VAV2: variants seen among roughly 807,000 people sequenced by gnomAD.
The protein encoded by VAV2 is guanine nucleotide exchange factor VAV2.
VAV2 carries 67 observed loss-of-function variants against 132.5 expected under a neutral mutation model. The ratio of observed to expected loss-of-function variants is 0.51; its 90% CI spans 0.42 to 0.62. VAV2 has a LOEUF of 0.62. Ranked by LOEUF, VAV2 falls within the 20% of genes least tolerant of loss-of-function variation. The pLI is 0.00. For synonymous variants in VAV2, 492 were observed against 443.5 expected (o/e 1.11, Z -1.37); for missense variants, 938 against 1,153.6 (o/e 0.81, Z 2.71).
At chr9:133,807,516 G>A (rs1475804056) in intron 7 of VAV2, among the ~76,000 whole-genome samples, 190 bp from the exon 8 acceptor site, 2 of 152,220 alleles carry the variant, frequency 1.3e-5, no homozygotes, top group East Asian at 1.9e-4. Context: ...AGGAAGGTGC[G>A]GGGGTAAAGA....
chr9:133,956,849 C>CAG (rs1841798100), intron 1 of VAV2, among the ~76,000 whole-genome samples: 1 of 152,228 alleles, frequency 6.6e-6, no homozygotes, highest in African/African-American at 2.4e-5. Context: ...GGGCCTGGGA[C>CAG]AGAGCCCTCT....
chr9:133,971,199 G>A (rs935752841), intron 1 of VAV2, among the ~76,000 whole-genome samples: 1 of 152,178 alleles, frequency 6.6e-6, no homozygotes, highest in African/African-American at 2.4e-5. Context: ...CTTGCAGATG[G>A]AACAGTCGTA....
intron 2 of VAV2, among the ~76,000 whole-genome samples, chr9:133,875,795 C>T (rs1426565107): frequency 1.3e-5 from 2 of 152,144 alleles, no homozygotes; most frequent in Admixed American, 1.3e-4. Flanking sequence ...CCTGCCTGGG[C>T]TAAGGGGTAC....
chr9:133,827,442 T>C (rs694032), intron 4 of VAV2, among the ~76,000 whole-genome samples: 622 of 2,006 alleles, frequency 0.31, 42 homozygotes, highest in Non-Finnish European at 0.32. Context: ...GACCACTGAG[T>C]GGGGGCATCA....
In VAV2 at chr9:133,768,690, T is replaced by A; in HGVS notation, c.2435-94A>T. ...GGGCCAAGCTGGGTCTCTCCCCTGG[T>A]GCCCAGAACCCTGCTCTGTACCCAG... On this transcript the variant is annotated intron_variant, in intron 28 of 29. Coordinates refer to ENST00000371850, the MANE Select transcript of VAV2 (RefSeq NM_001134398.2). The surrounding 1 kb of genome is among the most constrained non-coding windows in gnomAD (Gnocchi z 5.3). 1 of 1,463,386 alleles carries A rather than the reference T, an allele frequency of 6.8e-7. No homozygotes were observed. The highest frequency in any genetic ancestry group is 2.4e-5 in the East Asian group (1 of 40,834). The allele number at this position is 1,463,386 out of a possible 1,614,324, so 90.7% of individuals were successfully genotyped here. A position where few individuals can be genotyped will look rare whatever the true frequency, so the allele number is the denominator to read the frequency against.
rs1842999051 is a variant in VAV2 at position 133,991,047 on chromosome 9, C to T, written c.204+1028G>A. On this transcript the variant is annotated intron_variant, in intron 1 of 29. Coordinates refer to ENST00000371850, the MANE Select transcript of VAV2 (RefSeq NM_001134398.2). The surrounding 1 kb of genome is among the most constrained non-coding windows in gnomAD (Gnocchi z 4.8). ...CGCTGGTGACTCACTCTCCCTCCTT[C>T]CCAGGAACCACGTCCTAAGTCCCAC... Among the ~76,000 whole-genome samples, 1 of 152,198 alleles carries T rather than the reference C, an allele frequency of 6.6e-6. No individual in the cohort carries two copies. The highest frequency in any genetic ancestry group is 1.5e-5 in the Non-Finnish European group (1 of 68,028).
intron 1 of VAV2, among the ~76,000 whole-genome samples, chr9:133,967,312 C>T (rs927266902): frequency 1.3e-5 from 2 of 152,086 alleles, no homozygotes; most frequent in African/African-American, 4.8e-5. Context: ...CTGGTCAGAA[C>T]GTAGACTAAT....
chr9:133,910,823 CA>C (rs60841450), intron 2 of VAV2, among the ~76,000 whole-genome samples: 11 of 100,572 alleles, frequency 1.1e-4, no homozygotes, highest in Admixed American at 3.3e-4. Flanking sequence ...GACTCGGTCT[CA>C]AAAAAAAAAA....
At chr9:133,962,156 C>A (rs956612467) in intron 1 of VAV2, among the ~76,000 whole-genome samples, 5 of 152,178 alleles carry the variant, frequency 3.3e-5, no homozygotes, top group Admixed American at 3.3e-4. Context: ...ATGGGACCCT[C>A]CTGGGCACAG....
At position 133,863,542 on chromosome 9, in the gene VAV2, T is replaced by C. The variant is rs376023796; in HGVS notation, c.322-2110A>G. Among the ~76,000 whole-genome samples the C allele has an allele frequency of 7.9e-5, 12 of 152,186 alleles. No homozygotes were observed. Among genetic ancestry groups the C allele is most frequent in the African/African-American group, 2.7e-4 (11 of 41,458 alleles). On this transcript the variant is annotated intron_variant, in intron 2 of 29. Coordinates refer to ENST00000371850, the MANE Select transcript of VAV2 (RefSeq NM_001134398.2). This position sits in a 1 kb window ranked among gnomAD's most constrained non-coding sequence, Gnocchi z 5.0. ...GCATCTGTGGCCCCTGTGGACAATT[T>C]CTACAGCTGCTATGACCACAGCAGC... is the stretch of plus-strand genomic sequence containing the variant.
chr9:133,854,238 C>T (rs2510251), intron 3 of VAV2, among the ~76,000 whole-genome samples: 3,877 of 151,028 alleles, frequency 0.026, 147 homozygotes, highest in African/African-American at 0.089. Flanking sequence ...CACCTGCACA[C>T]ATACATGCAC....
intron 2 of VAV2, among the ~76,000 whole-genome samples, chr9:133,878,422 C>T (rs1303543404): frequency 6.6e-6 from 1 of 152,238 alleles, no homozygotes; most frequent in Non-Finnish European, 1.5e-5. Flanking sequence ...CATCCATCCC[C>T]AGCCAGGTGG....
intron 4 of VAV2, among the ~76,000 whole-genome samples, chr9:133,830,423 G>A (rs60422468): frequency 0.031 from 4,709 of 152,210 alleles, 233 homozygotes; most frequent in African/African-American, 0.11. Context: ...GGTGACCCTC[G>A]TATCGCTCAT....
At chr9:133,946,123 C>T (rs1323095185) in intron 1 of VAV2, among the ~76,000 whole-genome samples, 1 of 152,234 alleles carries the variant, frequency 6.6e-6, no homozygotes, top group East Asian at 1.9e-4. Flanking sequence ...GGAGCAGCCA[C>T]AGTGCACGAG....
At chr9:133,970,366 G>A (rs1305945358) in intron 1 of VAV2, among the ~76,000 whole-genome samples, 1 of 152,200 alleles carries the variant, frequency 6.6e-6, no homozygotes, top group East Asian at 1.9e-4. Context: ...CTGGGGGATG[G>A]CACCACGTTC....
chr9:133,914,453 C>A (rs932317337), intron 2 of VAV2, among the ~76,000 whole-genome samples: 2 of 149,806 alleles, frequency 1.3e-5, no homozygotes, highest in Non-Finnish European at 3.0e-5. Flanking sequence ...AGGAACGAAG[C>A]GCTGACTTAG....
At chr9:133,779,768 A>G (rs10993799) in intron 21 of VAV2, 150 bp downstream of exon 21, 17,184 of 1,051,100 alleles carry the variant, frequency 0.016, 215 homozygotes, top group African/African-American at 0.043. Context: ...CAGAGAGGCA[A>G]GAGGGAGGGG....
chr9:133,978,470 G>A (rs1185726600), intron 1 of VAV2, among the ~76,000 whole-genome samples: 1 of 152,278 alleles, frequency 6.6e-6, no homozygotes. Context: ...CAGCCCGCAA[G>A]CACCTGGCGG....
chr9:133,905,943 G>A (rs753876251), intron 2 of VAV2, among the ~76,000 whole-genome samples: 4 of 152,186 alleles, frequency 2.6e-5, no homozygotes, highest in Non-Finnish European at 5.9e-5. Flanking sequence ...GGGAGGCTGA[G>A]GTAGGAGGAT....
Sources: allele counts gnomAD v4.1 joint callset (sites outside exome capture counted in the v4.1 genomes callset), GRCh38; gene constraint gnomAD v4.1.1; non-coding constraint Gnocchi (gnomAD v3.1); transcripts MANE v1.5; gene names NCBI Gene and HGNC (gene_info 2026-07-23, HGNC 2026-07-21).